The following CNTN4 variants were observed in gnomAD, a reference collection of about 807,000 sequenced individuals.
CNTN4 encodes contactin-4.
A neutral mutation model predicts 122.5 loss-of-function variants in CNTN4; 77 were observed. That is an observed-to-expected ratio of 0.63 (90% CI 0.52 to 0.76). The LOEUF (loss-of-function observed/expected upper bound fraction) is 0.76. CNTN4 is among the 30% of genes least tolerant of loss of function. CNTN4 has a pLI of 0.00. For missense variants in CNTN4, 1,256 were observed against 1,259.1 expected, an observed-to-expected ratio of 1.00 and a Z score of 0.04; for synonymous variants, 512 against 447.0, an observed-to-expected ratio of 1.15 and a Z score of -1.83.
At chr3:2,432,775 G>C (rs1413308863) in intron 3 of CNTN4, among the ~76,000 whole-genome samples, 1 of 150,822 alleles carries the variant, frequency 6.6e-6, no homozygotes, top group Admixed American at 6.6e-5. Flanking sequence ...TGCTGCTGCA[G>C]TGAACGTGGT....
chr3:2,792,983 C>G (rs1436393042), intron 6 of CNTN4, among the ~76,000 whole-genome samples: 2 of 152,174 alleles, frequency 1.3e-5, no homozygotes, highest in Admixed American at 6.5e-5. Flanking sequence ...CACCCATGAC[C>G]TGAGACATGT....
chr3:2,207,410 A>G (rs901119035), intron 2 of CNTN4, among the ~76,000 whole-genome samples: 6 of 152,100 alleles, frequency 3.9e-5, no homozygotes, highest in Non-Finnish European at 8.8e-5. Flanking sequence ...AAGTCGTGAA[A>G]ACAAGGGAAA....
chr3:3,009,847 G>A (rs1409102817), intron 14 of CNTN4, among the ~76,000 whole-genome samples: 1 of 152,204 alleles, frequency 6.6e-6, no homozygotes, highest in Non-Finnish European at 1.5e-5. Flanking sequence ...AAGCCTATGT[G>A]AAGCCGTGAA....
Position 2,803,120 on chromosome 3 carries a change from C to T in CNTN4, c.359-16366C>T, listed in dbSNP as rs138702514. Reference sequence around the variant, plus strand: ...AGAAAAATAAAAATCCTTTATATAACTGGGTAAATGATATGAACTGGCATT... The same window carrying T: ...AGAAAAATAAAAATCCTTTATATAATTGGGTAAATGATATGAACTGGCATT... On this transcript the variant is annotated intron_variant, in intron 6 of 24. Transcript: ENST00000418658. Among the ~76,000 whole-genome samples, 3 of 152,206 alleles carry T rather than the reference C, an allele frequency of 2.0e-5. No individual in the cohort carries two copies. The East Asian group carries it at 5.8e-4, about 29-fold the overall frequency.
intron 3 of CNTN4, among the ~76,000 whole-genome samples, chr3:2,416,680 GTC>G (rs1220481252): frequency 6.6e-6 from 1 of 151,504 alleles, no homozygotes; most frequent in Non-Finnish European, 1.5e-5. Flanking sequence ...TTAGGACGGA[GTC>G]TCTGTCTGTC....
At chr3:2,585,351 G>A (rs113367459) in intron 4 of CNTN4, among the ~76,000 whole-genome samples, 15,270 of 148,086 alleles carry the variant, frequency 0.1, 1,118 homozygotes, top group Non-Finnish European at 0.15. Flanking sequence ...ATATACCCAA[G>A]GGATTATAAA....
intron 2 of CNTN4, among the ~76,000 whole-genome samples, chr3:2,282,196 C>T (rs765860013): frequency 1.2e-4 from 18 of 151,930 alleles, no homozygotes; most frequent in Non-Finnish European, 2.5e-4. Flanking sequence ...AAGTAATTGG[C>T]GTGGATTTTA....
chr3:2,514,333 T>A (rs1167481810), intron 3 of CNTN4, among the ~76,000 whole-genome samples: 2 of 152,088 alleles, frequency 1.3e-5, no homozygotes, highest in South Asian at 2.1e-4. Context: ...GTCTCTATGA[T>A]GACAAGTTAA....
At chr3:2,254,547 C>T (rs973230579) in intron 2 of CNTN4, among the ~76,000 whole-genome samples, 3 of 152,162 alleles carry the variant, frequency 2.0e-5, no homozygotes, top group Non-Finnish European at 4.4e-5. Context: ...TCCTCTCCGG[C>T]ATTTGTTGTT....
At chr3:2,347,013 TTTTC>T (rs1323435283) in intron 3 of CNTN4, among the ~76,000 whole-genome samples, 1 of 151,866 alleles carries the variant, frequency 6.6e-6, no homozygotes, top group Non-Finnish European at 1.5e-5. Flanking sequence ...CCTTTCACTT[TTTTC>T]TTTATGTCTT....
intron 2 of CNTN4, among the ~76,000 whole-genome samples, chr3:2,142,985 C>A (rs1268099120): frequency 3.9e-5 from 6 of 152,200 alleles, no homozygotes; most frequent in Non-Finnish European, 7.3e-5. Flanking sequence ...ATGGCCTTAA[C>A]CTCTATTTCT....
chr3:3,045,977 G>A (rs191695765), intron 23 of CNTN4, among the ~76,000 whole-genome samples: 14 of 152,314 alleles, frequency 9.2e-5, no homozygotes, highest in South Asian at 4.1e-4. Flanking sequence ...ACTACATGAC[G>A]AAGGCACAAG....
At chr3:2,747,132 C>T (rs1219167395) in intron 6 of CNTN4, among the ~76,000 whole-genome samples, 2 of 151,844 alleles carry the variant, frequency 1.3e-5, no homozygotes, top group African/African-American at 4.8e-5. Context: ...GTATCTGGGC[C>T]AGCGCGGTGG....
chr3:2,348,896 T>C (rs1478887090), intron 3 of CNTN4, among the ~76,000 whole-genome samples: 2 of 152,210 alleles, frequency 1.3e-5, no homozygotes, highest in Non-Finnish European at 2.9e-5. Context: ...TTAAACTTTC[T>C]TGGGCTCAAG....
Position 2,376,527 on chromosome 3 carries a change from T to A in CNTN4, c.-89+37294T>A, listed in dbSNP as rs181237803. On this transcript the variant is annotated intron_variant, in intron 3 of 24. Coordinates refer to ENST00000418658, the MANE Select transcript of CNTN4 (RefSeq NM_175607.3). Reference sequence around the variant, plus strand: ...GTATCAGTATTTCTATATCACTAGGTGATTCTTGAGATGAAGATAAGTGTT... The same window carrying A: ...GTATCAGTATTTCTATATCACTAGGAGATTCTTGAGATGAAGATAAGTGTT... 4.9e-4 allele frequency among the ~76,000 whole-genome samples: 75 copies of A among 152,168 alleles called. 2 individuals are homozygous for A. The highest frequency in any genetic ancestry group is 1.8e-3 in the African/African-American group (73 of 41,510).
chr3:2,711,331 G>C (rs924145236), intron 4 of CNTN4, among the ~76,000 whole-genome samples: 1 of 152,174 alleles, frequency 6.6e-6, no homozygotes, highest in Non-Finnish European at 1.5e-5. Flanking sequence ...TGCCTCCTGG[G>C]AATGCTGGAG....
chr3:2,269,999 G>T lies in CNTN4; in HGVS notation c.-144-69179G>T, dbSNP rs1288452774. Among the ~76,000 whole-genome samples the T allele has an allele frequency of 4.0e-5, 2 of 50,284 alleles. 1 individual carries two copies. The highest frequency in any genetic ancestry group is 1.0e-4 in the Non-Finnish European group (2 of 19,714). 33.0% of individuals were successfully genotyped at this position (50,284 alleles called of 152,430 possible). On this transcript the variant is annotated intron_variant, in intron 2 of 24. Coordinates refer to ENST00000418658, the MANE Select transcript of CNTN4 (RefSeq NM_175607.3). ...GCTCTGTCGCCCAGGCCGGACTGCG[G>T]ACTGCAGTGGCGCAATCTCGGCTCA...
At chr3:2,236,338 C>G (rs1334555570) in intron 2 of CNTN4, among the ~76,000 whole-genome samples, 2 of 152,176 alleles carry the variant, frequency 1.3e-5, no homozygotes, top group African/African-American at 4.8e-5. Context: ...TATCTGTGAA[C>G]TGGGATAATA....
At chr3:2,199,049 G>C (rs977683800) in intron 2 of CNTN4, among the ~76,000 whole-genome samples, 3 of 152,180 alleles carry the variant, frequency 2.0e-5, no homozygotes, top group Non-Finnish European at 4.4e-5. Context: ...AGAGATGTCA[G>C]AATACCTACA....
Sources: gnomAD v4.1 joint callset for allele counts (sites outside exome capture counted in the v4.1 genomes callset) on GRCh38, gnomAD v4.1.1 for gene constraint, MANE v1.5 for transcripts, NCBI Gene and HGNC (gene_info 2026-07-23, HGNC 2026-07-21) for gene names.